Variants in FFAR4 observed in about 807,000 individuals in gnomAD.
FFAR4 encodes the protein G-protein coupled receptor 120.
In FFAR4, 19 loss-of-function variants were observed where a neutral mutation model predicts 27.0. The ratio of observed to expected loss-of-function variants is 0.70; its 90% confidence interval spans 0.49 to 1.03. FFAR4 has a LOEUF of 1.03. Among genes scored for constraint, FFAR4 ranks in the 50% least tolerant of loss-of-function variants. The pLI is 0.00. For missense variants in FFAR4, 476 were observed against 479.0 expected, an observed-to-expected ratio of 0.99 and a Z score of 0.06; for synonymous variants, 254 against 215.6, an observed-to-expected ratio of 1.18 and a Z score of -1.56.
chr10:93,569,941 C>T (rs555546631), intron 1 of FFAR4, among the ~76,000 whole-genome samples: 20 of 151,848 alleles, frequency 1.3e-4, no homozygotes, highest in Admixed American at 7.9e-4. Flanking sequence ...CACCTGTAGT[C>T]CCAGCTACAA....
At position 93,585,939 on chromosome 10, in the gene FFAR4, C is replaced by A. The variant is rs1039296020; in HGVS notation, c.697-1281C>A. ...CTTTCCTTAACCCCTGACTCAGGGG[C>A]CTGTAGGCAAGACTAGGATCCATTT... On this transcript the variant is annotated intron_variant, in intron 2 of 2. Coordinates refer to ENST00000371481, the MANE Select transcript of FFAR4 (RefSeq NM_001195755.2). Among the ~76,000 whole-genome samples the A allele has an allele frequency of 3.3e-5, 5 of 152,228 alleles. 1 individual carries two copies. Among genetic ancestry groups the A allele is most frequent in the Non-Finnish European group, 5.9e-5 (4 of 68,046 alleles).
chr10:93,567,099 C>A lies in FFAR4; in HGVS notation c.379C>A (p.Leu127Ile). 6.2e-7 allele frequency: 1 copy of A among 1,609,646 alleles called. No individual in the cohort carries two copies. The highest frequency in any genetic ancestry group is 8.5e-7 in the Non-Finnish European group (1 of 1,178,964). Residue 127 changes from leucine to isoleucine, a missense_variant, in exon 1 of 3, where the codon CTC becomes ATC. Transcript: ENST00000371481. ...VMTLSGSVTI[L>I]TLAAVSLERM... ...GACCCTGAGCGGCAGCGTCACCATC[C>A]TCACGCTGGCCGCGGTCAGCCTGGA... is the stretch of plus-strand genomic sequence containing the variant.
intron 1 of FFAR4, among the ~76,000 whole-genome samples, chr10:93,568,168 C>G (rs979583338): frequency 2.0e-5 from 3 of 150,930 alleles, no homozygotes; most frequent in Non-Finnish European, 4.4e-5. Context: ...CCGCTTTGCC[C>G]GGTGGTTGCA....
At chr10:93,573,399 A>G (rs1021325563) in intron 1 of FFAR4, among the ~76,000 whole-genome samples, 1 of 152,220 alleles carries the variant, frequency 6.6e-6, no homozygotes, top group Non-Finnish European at 1.5e-5. Context: ...AGAGAATATA[A>G]TAGGACTCAC....
chr10:93,579,987 A>T (rs969916206), intron 2 of FFAR4, among the ~76,000 whole-genome samples: 1 of 152,242 alleles, frequency 6.6e-6, no homozygotes, highest in Non-Finnish European at 1.5e-5. Flanking sequence ...CTTAAAAATT[A>T]CTTTCCACGT....
intron 2 of FFAR4, among the ~76,000 whole-genome samples, chr10:93,584,133 C>A (rs1254884151): frequency 6.6e-6 from 1 of 152,212 alleles, no homozygotes; most frequent in East Asian, 1.9e-4. Context: ...CTTAGATTAA[C>A]CAGGTTTCAC....
chr10:93,587,668 G>A lies in FFAR4; in HGVS notation c.*59G>A. 1 of 1,530,634 alleles carries A rather than the reference G, an allele frequency of 6.5e-7. No individual in the cohort carries two copies. Among genetic ancestry groups the A allele is most frequent in the Non-Finnish European group, 8.8e-7 (1 of 1,131,268 alleles). 94.8% of individuals were successfully genotyped at this position (1,530,634 alleles called of 1,614,324 possible). ...GAGCTGTGGCATGCTTTTAAACAGAGTTCATTTCCAGTACCCTCCATCAGT... is the reference window on the plus strand; with the variant it reads ...GAGCTGTGGCATGCTTTTAAACAGAATTCATTTCCAGTACCCTCCATCAGT... On this transcript the variant is annotated 3_prime_UTR_variant, in exon 3 of 3. Coordinates refer to ENST00000371481, the MANE Select transcript of FFAR4 (RefSeq NM_001195755.2).
chr10:93,585,803 C>T (rs1373133502), intron 2 of FFAR4, among the ~76,000 whole-genome samples: 1 of 152,220 alleles, frequency 6.6e-6, no homozygotes, highest in East Asian at 1.9e-4. Flanking sequence ...AGGCCCTTCC[C>T]ACACCCACTC....
At chr10:93,582,202 C>A (rs2058201719) in intron 2 of FFAR4, among the ~76,000 whole-genome samples, 1 of 151,968 alleles carries the variant, frequency 6.6e-6, no homozygotes, top group Admixed American at 6.6e-5. Context: ...CGCACCCTAC[C>A]AGTGGTGGGA....
intron 2 of FFAR4, among the ~76,000 whole-genome samples, chr10:93,578,756 T>C (rs1490895709): frequency 6.6e-6 from 1 of 152,226 alleles, no homozygotes; most frequent in Non-Finnish European, 1.5e-5. Flanking sequence ...TCTCAGAGCA[T>C]GCTGGGAAAA....
intron 2 of FFAR4, 65 bp from the exon 3 acceptor site, chr10:93,587,155 C>T: frequency 1.4e-6 from 2 of 1,459,406 alleles, no homozygotes; most frequent in East Asian, 4.5e-5. Flanking sequence ...TCTTGGGCCC[C>T]TAACTCAAAA....
Position 93,567,098 on chromosome 10 carries a change from C to T in FFAR4, c.378C>T (p.Ile126=). ...TGACCCTGAGCGGCAGCGTCACCAT[C>T]CTCACGCTGGCCGCGGTCAGCCTGG... ...YVMTLSGSVT[I]LTLAAVSLER... is the part of the protein sequence containing the mutation. Residue 126 remains isoleucine, a synonymous_variant, in exon 1 of 3, where the codon ATC becomes ATT. Transcript: ENST00000371481. 1 of 1,609,594 alleles carries T rather than the reference C, an allele frequency of 6.2e-7. No homozygotes were observed. Among genetic ancestry groups the T allele is most frequent in the Non-Finnish European group, 8.5e-7 (1 of 1,178,924 alleles).
Position 93,587,385 on chromosome 10 carries a change from C to G in FFAR4, c.862C>G (p.Leu288Val). 6.2e-7 allele frequency: 1 copy of G among 1,614,056 alleles called. No individual in the cohort carries two copies. Among genetic ancestry groups the G allele is most frequent in the Non-Finnish European group, 8.5e-7 (1 of 1,180,008 alleles). Reference protein sequence around the residue: ...SPIIITILLILIQNFKQDLVI... With the variant: ...SPIIITILLIVIQNFKQDLVI... Reference sequence around the variant, plus strand: ...CATCATCATCACCATCCTCCTCATCCTGATCCAGAACTTCAAGCAAGACCT... The same window carrying G: ...CATCATCATCACCATCCTCCTCATCGTGATCCAGAACTTCAAGCAAGACCT... The change falls in exon 3 of 3, where the codon CTG (leucine) becomes GTG (valine). Residue 288 changes from leucine to valine, a missense_variant. By Grantham distance (32) the Leu-to-Val change is conservative. Transcript: ENST00000371481.
chr10:93,583,310 G>A (rs897158396), intron 2 of FFAR4, among the ~76,000 whole-genome samples: 3 of 151,538 alleles, frequency 2.0e-5, no homozygotes, highest in African/African-American at 7.3e-5. Flanking sequence ...CAGCTACTCA[G>A]GAGTCTGAGG....
chr10:93,585,899 CT>C (rs2058224192), intron 2 of FFAR4, among the ~76,000 whole-genome samples: 1 of 152,248 alleles, frequency 6.6e-6, no homozygotes, highest in South Asian at 2.1e-4. Context: ...AATGAGCAGC[CT>C]CTGATCACAT....
In FFAR4 at chr10:93,589,977, A is replaced by T. The variant is rs1368847278; in HGVS notation, c.*2368A>T. Reference sequence around the variant, plus strand: ...TGGAGCAGCTTGCTTCTGAAGTCAGATTCATGGATATCACAAGCTCGAAGA... The same window carrying T: ...TGGAGCAGCTTGCTTCTGAAGTCAGTTTCATGGATATCACAAGCTCGAAGA... On this transcript the variant is annotated 3_prime_UTR_variant, in exon 3 of 3. Transcript: ENST00000371481. 6.6e-6 allele frequency: 1 copy of T among 152,182 alleles called. No homozygotes were observed. Among genetic ancestry groups the T allele is most frequent in the Non-Finnish European group, 1.5e-5 (1 of 68,034 alleles). The allele number at this position is 152,182 out of a possible 1,614,324, so 9.4% of individuals were successfully genotyped here. A position where few individuals can be genotyped will look rare whatever the true frequency, so the allele number is the denominator to read the frequency against.
chr10:93,580,370 G>T (rs975146368), intron 2 of FFAR4, among the ~76,000 whole-genome samples: 4 of 152,172 alleles, frequency 2.6e-5, no homozygotes, highest in African/African-American at 9.7e-5. Context: ...TGTAACCCAG[G>T]TCTCATCTCC....
chr10:93,567,343 GC>G lies in FFAR4; in HGVS notation c.567+60del, dbSNP rs1589672580. On this transcript the variant is annotated intron_variant, in intron 1 of 2. Coordinates refer to ENST00000371481, the MANE Select transcript of FFAR4 (RefSeq NM_001195755.2). ...TGTCCTGCGCAGGCTGGGAAGCGGGGCCCCGACGGAAGCTGGGATGAGGATG... is the reference window on the plus strand; with the variant it reads ...TGTCCTGCGCAGGCTGGGAAGCGGGGCCCGACGGAAGCTGGGATGAGGATG... 4 of 1,496,988 alleles carry G rather than the reference GC, an allele frequency of 2.7e-6. No homozygotes were observed. The African/African-American group carries it at 5.5e-5, about 21-fold the overall frequency. 92.7% of individuals were successfully genotyped at this position (1,496,988 alleles called of 1,614,324 possible).
At chr10:93,575,902 G>C (rs1327048244) in intron 1 of FFAR4, among the ~76,000 whole-genome samples, 189 bp from the exon 2 acceptor site, 1 of 152,130 alleles carries the variant, frequency 6.6e-6, no homozygotes, top group Non-Finnish European at 1.5e-5. Flanking sequence ...CTATTCTGAG[G>C]GTCAGGGGCA....
Sources: allele counts gnomAD v4.1 joint callset (sites outside exome capture counted in the v4.1 genomes callset), GRCh38; gene constraint gnomAD v4.1.1; transcripts MANE v1.5; gene names NCBI Gene and HGNC (gene_info 2026-07-23, HGNC 2026-07-21).